Variants in SACM1L observed in about 807,000 individuals in gnomAD.
The protein encoded by SACM1L is phosphatidylinositol-3-phosphatase SAC1.
Under a neutral mutation model 89.5 loss-of-function variants are expected in SACM1L, and 32 were observed. The observed-to-expected ratio is 0.36, with a 90% CI of 0.27 to 0.48. The LOEUF (loss-of-function observed/expected upper bound fraction) is 0.48, where lower values mean the gene tolerates loss of function less well. Ranked by LOEUF, SACM1L falls within the 20% of genes least tolerant of loss-of-function variation. SACM1L has a pLI of 0.99. For missense variants in SACM1L, 543 were observed against 708.5 expected, an observed-to-expected ratio of 0.77 and a Z score of 2.65; for synonymous variants, 213 against 232.8, an observed-to-expected ratio of 0.92 and a Z score of 0.77.
intron 1 of SACM1L, chr3:45,690,474 A>C (rs1697951517): frequency 1.3e-5 from 2 of 152,214 alleles, no homozygotes; most frequent in South Asian, 4.1e-4. Flanking sequence ...TAGATACCGC[A>C]TTTCTTTTGC....
intron 14 of SACM1L, among the ~76,000 whole-genome samples, chr3:45,736,163 C>G (rs1003647414): frequency 6.6e-6 from 1 of 152,218 alleles, no homozygotes; most frequent in Non-Finnish European, 1.5e-5. Context: ...GCCACTGTGT[C>G]TAGCCTCTTT....
At chr3:45,692,487 C>G (rs1372394672) in intron 1 of SACM1L, among the ~76,000 whole-genome samples, 1 of 152,082 alleles carries the variant, frequency 6.6e-6, no homozygotes, top group African/African-American at 2.4e-5. Flanking sequence ...CCATGTCTGG[C>G]TGATTTTTTC....
Position 45,705,006 on chromosome 3 carries a change from A to G in SACM1L, c.131-129A>G, listed in dbSNP as rs1321425592. 6.6e-6 allele frequency: 4 copies of G among 602,216 alleles called. No homozygotes were observed. The East Asian group carries it at 1.2e-4, about 17-fold the overall frequency. 37.3% of individuals were successfully genotyped at this position (602,216 alleles called of 1,614,324 possible). On this transcript the variant is annotated intron_variant, in intron 2 of 19. Transcript: ENST00000389061. ...ATCAATAGTGCATTTAAGTTAAGGA[A>G]TGTTGCTTTTCTTAGAACAAATCAT...
intron 11 of SACM1L, among the ~76,000 whole-genome samples, chr3:45,724,790 TTTGAG>T (rs1411225485): frequency 6.6e-6 from 1 of 152,166 alleles, no homozygotes; most frequent in African/African-American, 2.4e-5. Flanking sequence ...TTTGGTCTGT[TTTGAG>T]TTGATTTTTG....
intron 6 of SACM1L, 62 bp from the exon 7 acceptor site, chr3:45,713,984 T>G: frequency 2.2e-6 from 2 of 899,880 alleles, no homozygotes; most frequent in Non-Finnish European, 1.6e-6. Context: ...GTGTAAATAT[T>G]TTTATATAAT....
intron 8 of SACM1L, 30 bp from the exon 9 acceptor site, chr3:45,721,970 T>C (rs764777752): frequency 2.1e-6 from 3 of 1,433,144 alleles, no homozygotes; most frequent in Non-Finnish European, 2.9e-6. Context: ...GTAATCAGTA[T>C]AGTTAATTCT....
At chr3:45,699,217 G>A (rs997525004) in intron 1 of SACM1L, among the ~76,000 whole-genome samples, 27 of 151,648 alleles carry the variant, frequency 1.8e-4, no homozygotes, top group African/African-American at 6.0e-4. Flanking sequence ...CACCAGCATG[G>A]CACATGTATA....
intron 13 of SACM1L, chr3:45,734,646 T>C (rs1458845349): frequency 6.6e-6 from 1 of 152,266 alleles, no homozygotes; most frequent in Middle Eastern, 3.4e-3. Flanking sequence ...GGACTCGTTA[T>C]GTTGTCCAGG....
chr3:45,738,830 C>G lies in SACM1L; in HGVS notation c.1526C>G (p.Ser509Cys). ...LGNYSVDELE[S>C]HSPLSVPRDW... Reference sequence around the variant, plus strand: ...AACTATTCAGTGGATGAATTAGAATCTCATAGTCCTTTAAGTGTTCCAAGG... The same window carrying G: ...AACTATTCAGTGGATGAATTAGAATGTCATAGTCCTTTAAGTGTTCCAAGG... The change falls in exon 18 of 20, where the codon TCT (serine) becomes TGT (cysteine). Residue 509 changes from serine (S) to cysteine (C), a missense_variant. Coordinates refer to ENST00000389061, the MANE Select transcript of SACM1L (RefSeq NM_014016.5). The G allele has an allele frequency of 6.2e-7, 1 of 1,611,452 alleles. No individual in the cohort carries two copies. Among genetic ancestry groups the G allele is most frequent in the Non-Finnish European group, 8.5e-7 (1 of 1,177,832 alleles).
At chr3:45,699,808 C>T (rs895028857) in intron 1 of SACM1L, among the ~76,000 whole-genome samples, 1 of 151,160 alleles carries the variant, frequency 6.6e-6, no homozygotes, top group Non-Finnish European at 1.5e-5. Context: ...AGGTGTGAGC[C>T]ACCGCGCCCA....
chr3:45,739,628 CTGT>C lies in SACM1L; in HGVS notation c.1613_1615del (p.Cys538del). 3 of 1,613,998 alleles carry C rather than the reference CTGT, an allele frequency of 1.9e-6. No homozygotes were observed. The highest frequency in any genetic ancestry group is 2.5e-6 in the Non-Finnish European group (3 of 1,179,938). On this transcript the variant is annotated inframe_deletion, in exon 19 of 20. Transcript: ENST00000389061. Reference sequence around the variant, plus strand: ...TTGTTGCCTTTTCAATGTGCATTATCTGTTTGCTTATGGCTGGTAAGTCTGCTC... The same window carrying C: ...TTGTTGCCTTTTCAATGTGCATTATCTTGCTTATGGCTGGTAAGTCTGCTC...
intron 5 of SACM1L, 97 bp downstream of exon 5, chr3:45,709,744 G>T: frequency 9.0e-7 from 1 of 1,105,310 alleles, no homozygotes; most frequent in Non-Finnish European, 1.3e-6. Flanking sequence ...TCTCAGTCCT[G>T]GCTATCTTAG....
chr3:45,713,325 C>T (rs918277599), intron 6 of SACM1L, 129 bp downstream of exon 6: 58 of 712,478 alleles, frequency 8.1e-5, no homozygotes, highest in Non-Finnish European at 9.2e-6. Context: ...TTATAACTTA[C>T]AAACTTGGAT....
At chr3:45,742,819 T>C (rs899541147) in intron 19 of SACM1L, 3 of 152,188 alleles carry the variant, frequency 2.0e-5, no homozygotes, top group African/African-American at 7.2e-5. Context: ...GGTGACCTCT[T>C]TGAGCAGGAG....
At chr3:45,739,215 C>G (rs1010823861) in intron 18 of SACM1L, among the ~76,000 whole-genome samples, 1 of 152,138 alleles carries the variant, frequency 6.6e-6, no homozygotes, top group Non-Finnish European at 1.5e-5. Context: ...TGATGCTTCT[C>G]TCCTTTTTGA....
chr3:45,722,835 G>T (rs368008709), intron 9 of SACM1L, 34 bp from the exon 10 acceptor site: 133 of 1,479,996 alleles, frequency 9.0e-5, no homozygotes, highest in Non-Finnish European at 1.2e-4. Context: ...AAGTATGTTT[G>T]TGTTTCTTTT....
At position 45,735,250 on chromosome 3, in the gene SACM1L, C is replaced by T; in HGVS notation, c.1116C>T (p.Asp372=). Residue 372 remains aspartate (D), a synonymous_variant, in exon 14 of 20, where the codon GAC becomes GAT. Coordinates refer to ENST00000389061, the MANE Select transcript of SACM1L (RefSeq NM_014016.5). ...TATGTTTTAGTTATTTTCTAGTGGA[C>T]TCTGCTGGCCAGGTGGTGGCAAACC... ...MQDELSYFLV[D]SAGQVVANQE... The T allele has an allele frequency of 6.2e-7, 1 of 1,610,554 alleles. No individual in the cohort carries two copies. The highest frequency in any genetic ancestry group is 8.5e-7 in the Non-Finnish European group (1 of 1,179,104).
rs367826502 is a variant in SACM1L, at chr3:45,739,570, T to G, written c.1570-17T>G. The G allele has an allele frequency of 2.1e-5, 34 of 1,612,934 alleles. No individual in the cohort carries two copies. In the African/African-American group the frequency reaches 4.5e-4, roughly 22 times the overall value. On this transcript the variant is annotated splice_polypyrimidine_tract_variant and intron_variant, in intron 18 of 19. Coordinates refer to ENST00000389061, the MANE Select transcript of SACM1L (RefSeq NM_014016.5). The stretch of plus-strand genomic sequence containing the variant: ...TAGCATTCTTAAATGATGATCTCTT[T>G]CTATTGTCTTTTCCAGTTGCCTATT...
chr3:45,740,983 AC>A (rs1300740256), intron 19 of SACM1L, among the ~76,000 whole-genome samples: 2 of 152,222 alleles, frequency 1.3e-5, no homozygotes, highest in African/African-American at 4.8e-5. Context: ...TTGCTATGTT[AC>A]TGAGTTAATA....
Sources: allele counts gnomAD v4.1 joint callset (sites outside exome capture counted in the v4.1 genomes callset), GRCh38; gene constraint gnomAD v4.1.1; transcripts MANE v1.5; gene names NCBI Gene and HGNC (gene_info 2026-07-23, HGNC 2026-07-21).